The following RNF121 variants were observed in gnomAD, a reference collection of about 807,000 sequenced individuals.
The protein encoded by RNF121 is ring finger protein 121.
A neutral mutation model predicts 46.5 loss-of-function variants in RNF121; 21 were observed. That is an observed-to-expected ratio of 0.45 (90% CI 0.32 to 0.65). The LOEUF (loss-of-function observed/expected upper bound fraction) is 0.65, where lower values mean the gene tolerates loss of function less well. RNF121 is among the 30% of genes least tolerant of loss of function. The probability of loss-of-function intolerance (pLI) is 0.04; values close to 1 mark genes in which losing one functional copy is unlikely to be tolerated. For synonymous variants in RNF121, 139 were observed against 144.7 expected, an observed-to-expected ratio of 0.96 and a Z score of 0.28; for missense variants, 346 against 416.0, an observed-to-expected ratio of 0.83 and a Z score of 1.46.
chr11:71,970,591 G>GT (rs752485129), intron 3 of RNF121, among the ~76,000 whole-genome samples: 12 of 152,174 alleles, frequency 7.9e-5, no homozygotes, highest in South Asian at 4.2e-4. Context: ...GGGCCCAGGA[G>GT]TTTAACGCTT....
intron 3 of RNF121, among the ~76,000 whole-genome samples, 182 bp downstream of exon 3, chr11:71,961,073 G>A (rs1954120240): frequency 1.3e-5 from 2 of 152,158 alleles, no homozygotes; most frequent in South Asian, 2.1e-4. Context: ...GTGATTCAGA[G>A]GGTGAAAAGG....
At chr11:71,987,236 G>C in intron 5 of RNF121, 125 bp downstream of exon 5, 1 of 655,058 alleles carries the variant, frequency 1.5e-6, no homozygotes, top group East Asian at 2.7e-5. Flanking sequence ...AGACTTGGGT[G>C]CTGTGGGGGG....
At chr11:71,980,633 C>G (rs909852650) in intron 3 of RNF121, among the ~76,000 whole-genome samples, 11 of 152,158 alleles carry the variant, frequency 7.2e-5, no homozygotes, top group African/African-American at 2.2e-4. Flanking sequence ...AGGTGTGAGT[C>G]ACCACGCCTG....
intron 1 of RNF121, among the ~76,000 whole-genome samples, chr11:71,954,068 A>G (rs1953937340): frequency 6.6e-6 from 1 of 152,184 alleles, no homozygotes; most frequent in African/African-American, 2.4e-5. Flanking sequence ...GGGCTCATGA[A>G]TCAGTAAGTA....
intron 3 of RNF121, among the ~76,000 whole-genome samples, chr11:71,963,001 G>A (rs1342059893): frequency 6.6e-6 from 1 of 152,072 alleles, no homozygotes; most frequent in African/African-American, 2.4e-5. Context: ...TGGGTCATTT[G>A]TATATTTTCC....
chr11:71,966,230 G>A (rs750667763), intron 3 of RNF121, among the ~76,000 whole-genome samples: 4 of 152,148 alleles, frequency 2.6e-5, no homozygotes, highest in Non-Finnish European at 4.4e-5. Context: ...CGTTGGTCAG[G>A]CTGGTCTCGA....
At chr11:71,953,932 C>T (rs1033816992) in intron 1 of RNF121, among the ~76,000 whole-genome samples, 2 of 152,164 alleles carry the variant, frequency 1.3e-5, no homozygotes, top group Non-Finnish European at 2.9e-5. Flanking sequence ...TTCTCTTTCC[C>T]TCTGCCTAGC....
chr11:71,949,847 A>G (rs906195808), intron 1 of RNF121, among the ~76,000 whole-genome samples: 3 of 150,972 alleles, frequency 2.0e-5, no homozygotes, highest in Non-Finnish European at 3.0e-5. Context: ...AAAAAAATAC[A>G]AAACATTAGC....
chr11:71,960,690 A>T, intron 2 of RNF121, 60 bp from the exon 3 acceptor site: 1 of 1,571,538 alleles, frequency 6.4e-7, no homozygotes, highest in South Asian at 1.2e-5. Flanking sequence ...CCTGGAAAGC[A>T]CTGTCCCTTT....
Position 71,957,379 on chromosome 11 carries a change from CGGT to C in RNF121, c.101+116_101+118del, listed in dbSNP as rs1565148325. Reference sequence around the variant, plus strand: ...TCAGTAGGAGGCAGTGGCTCATGACCGGTAGGACTGGTCTTTTGGGATCTCTCT... The same window carrying C: ...TCAGTAGGAGGCAGTGGCTCATGACCAGGACTGGTCTTTTGGGATCTCTCT... On this transcript the variant is annotated intron_variant, in intron 2 of 8. Coordinates refer to ENST00000361756, the MANE Select transcript of RNF121 (RefSeq NM_018320.5). 3.2e-5 allele frequency: 25 copies of C among 773,628 alleles called. No individual in the cohort carries two copies. The African/African-American group carries it at 3.7e-4, about 12-fold the overall frequency. 47.9% of individuals were successfully genotyped at this position (773,628 alleles called of 1,614,324 possible). A position where few individuals can be genotyped will look rare whatever the true frequency, so the allele number is the denominator to read the frequency against.
intron 3 of RNF121, among the ~76,000 whole-genome samples, chr11:71,962,604 G>A (rs1251900622): frequency 6.6e-6 from 1 of 152,198 alleles, no homozygotes; most frequent in African/African-American, 2.4e-5. Flanking sequence ...ACCACATCCT[G>A]TAAACATAAT....
chr11:71,968,068 C>CT (rs11377249), intron 3 of RNF121, among the ~76,000 whole-genome samples: 120,585 of 148,624 alleles, frequency 0.81, 49,252 homozygotes, highest in Non-Finnish European at 0.88. Context: ...TATGAACGAT[C>CT]TTTTTTTTTT....
intron 1 of RNF121, among the ~76,000 whole-genome samples, chr11:71,953,612 G>A (rs897596539): frequency 1.3e-5 from 2 of 152,180 alleles, no homozygotes; most frequent in Non-Finnish European, 2.9e-5. Flanking sequence ...GTGCTAGGCT[G>A]TAGACCACAC....
At chr11:71,957,607 A>G (rs934691373) in intron 2 of RNF121, among the ~76,000 whole-genome samples, 6 of 152,174 alleles carry the variant, frequency 3.9e-5, no homozygotes, top group Non-Finnish European at 7.4e-5. Flanking sequence ...AGTTGTGAGG[A>G]TTAATATATG....
At position 71,996,384 on chromosome 11, in the gene RNF121, A is replaced by G; in HGVS notation, c.*69A>G. 1 of 1,576,592 alleles carries G rather than the reference A, an allele frequency of 6.3e-7. No individual in the cohort carries two copies. Among genetic ancestry groups the G allele is most frequent in the Non-Finnish European group, 8.6e-7 (1 of 1,157,948 alleles). On this transcript the variant is annotated 3_prime_UTR_variant, in exon 9 of 9. Transcript: ENST00000361756. ...CCTCAGGGCACTCTCCTCCCTGCCC[A>G]CAAAGACCTCCTGGGTGGGAAAGAC...
At chr11:71,970,346 A>T (rs1199702892) in intron 3 of RNF121, among the ~76,000 whole-genome samples, 2 of 152,188 alleles carry the variant, frequency 1.3e-5, no homozygotes, top group African/African-American at 4.8e-5. Flanking sequence ...AAAATGGAAA[A>T]TTTTTTGGGT....
chr11:71,936,093 C>T (rs1216346985), intron 1 of RNF121, among the ~76,000 whole-genome samples: 26 of 151,900 alleles, frequency 1.7e-4, no homozygotes, highest in Admixed American at 1.7e-3. Context: ...GTGATCTGCC[C>T]ACCTTGGCCT....
chr11:71,970,308 G>A (rs200498282), intron 3 of RNF121, among the ~76,000 whole-genome samples: 1 of 152,158 alleles, frequency 6.6e-6, no homozygotes, highest in South Asian at 2.1e-4. Context: ...ATACATAACA[G>A]TATTGAACTG....
At chr11:71,974,935 C>CT (rs1296695778) in intron 3 of RNF121, among the ~76,000 whole-genome samples, 1 of 152,212 alleles carries the variant, frequency 6.6e-6, no homozygotes, top group Non-Finnish European at 1.5e-5. Context: ...TATTCAGAGT[C>CT]TAACATTACT....
Sources: gnomAD v4.1 joint callset for allele counts (sites outside exome capture counted in the v4.1 genomes callset) on GRCh38, gnomAD v4.1.1 for gene constraint, MANE v1.5 for transcripts, NCBI Gene and HGNC (gene_info 2026-07-23, HGNC 2026-07-21) for gene names.